The following ERBB4 variants were observed in gnomAD, a reference collection of about 807,000 sequenced individuals.
The protein encoded by ERBB4 is receptor tyrosine-protein kinase erbB-4.
ERBB4 carries 42 observed loss-of-function variants against 158.0 expected under a neutral mutation model. The observed-to-expected ratio is 0.27, with a 90% CI of 0.21 to 0.34. The LOEUF (loss-of-function observed/expected upper bound fraction) is 0.34, where lower values mean the gene tolerates loss of function less well. Among genes scored for constraint, ERBB4 ranks in the 10% least tolerant of loss-of-function variants. The probability of loss-of-function intolerance (pLI) is 1.00; values close to 1 mark genes in which losing one functional copy is unlikely to be tolerated. For missense variants in ERBB4, 1,333 were observed against 1,624.1 expected, an observed-to-expected ratio of 0.82 and a Z score of 3.08; for synonymous variants, 583 against 558.7, an observed-to-expected ratio of 1.04 and a Z score of -0.61.
chr2:211,830,927 C>A (rs973683227), intron 3 of ERBB4, among the ~76,000 whole-genome samples: 1 of 151,700 alleles, frequency 6.6e-6, no homozygotes, highest in Non-Finnish European at 1.5e-5. Context: ...GAATCTAATA[C>A]TGATGGTCAT....
At position 211,376,808 on chromosome 2, in the gene ERBB4, G is replaced by C. The variant is rs766825972; in HGVS notation, c.*6807C>G. On this transcript the variant is annotated 3_prime_UTR_variant, in exon 28 of 28. Coordinates refer to ENST00000342788, the MANE Select transcript of ERBB4 (RefSeq NM_005235.3). ...TTGTAATGGTGCTCAAGAAAGAGAT[G>C]AACTAGTCATACACCATGGGAAAAT... The C allele has an allele frequency of 1.3e-5, 3 of 232,900 alleles. No homozygotes were observed. Among genetic ancestry groups the C allele is most frequent in the African/African-American group, 2.2e-5 (1 of 45,262 alleles). 14.4% of individuals were successfully genotyped at this position (232,900 alleles called of 1,614,324 possible). A position where few individuals can be genotyped will look rare whatever the true frequency, so the allele number is the denominator to read the frequency against.
chr2:212,197,455 T>A (rs1283862659), intron 1 of ERBB4, among the ~76,000 whole-genome samples: 7 of 152,202 alleles, frequency 4.6e-5, no homozygotes, highest in African/African-American at 1.7e-4. Flanking sequence ...CACACACTTA[T>A]GCAAAAGGTA....
intron 19 of ERBB4, among the ~76,000 whole-genome samples, chr2:211,580,787 G>GATATATATAT (rs58919262): frequency 3.1e-4 from 21 of 67,714 alleles, no homozygotes; most frequent in African/African-American, 1.1e-3. Flanking sequence ...AAGAAATTGT[G>GATATATATAT]ATATATATAT....
At chr2:212,310,960 A>G (rs1369772522) in intron 1 of ERBB4, among the ~76,000 whole-genome samples, 3 of 150,788 alleles carry the variant, frequency 2.0e-5, no homozygotes, top group Non-Finnish European at 1.5e-5. Context: ...GTAATCCTTT[A>G]AATCTGGCAT....
intron 2 of ERBB4, among the ~76,000 whole-genome samples, chr2:212,010,354 G>A (rs923583472): frequency 2.0e-5 from 3 of 152,080 alleles, no homozygotes; most frequent in Admixed American, 2.0e-4. Context: ...AGGAAAACAA[G>A]AGTATTGTAA....
At chr2:212,355,729 AT>A (rs1438357590) in intron 1 of ERBB4, among the ~76,000 whole-genome samples, 1 of 151,948 alleles carries the variant, frequency 6.6e-6, no homozygotes, top group African/African-American at 2.4e-5. Context: ...TAAAGGGTAT[AT>A]GTTATATTAA....
intron 1 of ERBB4, among the ~76,000 whole-genome samples, chr2:212,509,027 C>G (rs955747188): frequency 1.3e-5 from 2 of 152,030 alleles, no homozygotes; most frequent in Non-Finnish European, 2.9e-5. Flanking sequence ...TCTTCTTACA[C>G]CTTTCCGTAC....
At chr2:212,453,532 C>T (rs1688114798) in intron 1 of ERBB4, among the ~76,000 whole-genome samples, 1 of 152,116 alleles carries the variant, frequency 6.6e-6, no homozygotes, top group South Asian at 2.1e-4. Flanking sequence ...AAATATATTG[C>T]ATTGATATCT....
intron 5 of ERBB4, among the ~76,000 whole-genome samples, chr2:211,740,497 G>T (rs2074751101): frequency 6.6e-6 from 1 of 151,738 alleles, no homozygotes; most frequent in Non-Finnish European, 1.5e-5. Flanking sequence ...CAAAAACGTG[G>T]CTTGGCACAA....
At position 211,663,617 on chromosome 2, in the gene ERBB4, T is replaced by C. The variant is rs531087996; in HGVS notation, c.1871+1706A>G. On this transcript the variant is annotated intron_variant, in intron 15 of 27. Transcript: ENST00000342788. ...GTTTATTATTATTATATAATAATGA[T>C]TTAAAAGGGCAGAGAGGAAGACACA... is the stretch of plus-strand genomic sequence containing the variant. 1.2e-4 allele frequency among the ~76,000 whole-genome samples: 19 copies of C among 152,212 alleles called. No homozygotes were observed. In the East Asian group the frequency reaches 3.7e-3, roughly 29 times the overall value.
chr2:211,829,030 G>C (rs1466595146), intron 3 of ERBB4, among the ~76,000 whole-genome samples: 1 of 152,002 alleles, frequency 6.6e-6, no homozygotes, highest in Non-Finnish European at 1.5e-5. Flanking sequence ...TTAATCTTTG[G>C]TTCATGAAGC....
intron 19 of ERBB4, among the ~76,000 whole-genome samples, chr2:211,586,160 A>C (rs555454749): frequency 3.0e-4 from 45 of 152,306 alleles, no homozygotes; most frequent in African/African-American, 9.6e-4. Context: ...TAAGAAAAAG[A>C]AGCCAAACAA....
rs558907237 is a variant in ERBB4 at position 211,593,095 on chromosome 2, G to T, written c.2301+26082C>A. 4.7e-4 allele frequency among the ~76,000 whole-genome samples: 72 copies of T among 151,928 alleles called. 1 individual carries two copies. The highest frequency in any genetic ancestry group is 8.7e-4 in the Non-Finnish European group (59 of 67,982). ...TCGTAGTGAGAAGAATGTGTCTTTGGGTTTAGCATGGATGGCAGCTGGCAA... is the reference window on the plus strand; with the variant it reads ...TCGTAGTGAGAAGAATGTGTCTTTGTGTTTAGCATGGATGGCAGCTGGCAA... On this transcript the variant is annotated intron_variant, in intron 19 of 27. Transcript: ENST00000342788.
At chr2:211,554,246 T>A (rs1197998027) in intron 20 of ERBB4, among the ~76,000 whole-genome samples, 1 of 152,196 alleles carries the variant, frequency 6.6e-6, no homozygotes, top group Non-Finnish European at 1.5e-5. Context: ...CATTTCAATA[T>A]ATTTGTGTGT....
chr2:211,715,620 T>C (rs1181064954), intron 7 of ERBB4, among the ~76,000 whole-genome samples: 1 of 152,138 alleles, frequency 6.6e-6, no homozygotes, highest in East Asian at 1.9e-4. Flanking sequence ...CCTCTTGGTG[T>C]TGTCGTTGCA....
intron 5 of ERBB4, among the ~76,000 whole-genome samples, chr2:211,738,781 G>A (rs1467971136): frequency 2.0e-5 from 3 of 151,154 alleles, no homozygotes; most frequent in African/African-American, 4.9e-5. Flanking sequence ...ATTCTCATGC[G>A]TCAGCCTCCC....
chr2:211,763,425 T>C (rs1430348537), intron 4 of ERBB4, among the ~76,000 whole-genome samples: 1 of 152,162 alleles, frequency 6.6e-6, no homozygotes, highest in African/African-American at 2.4e-5. Flanking sequence ...GAAGGAACCA[T>C]TTCTTTTCCA....
At chr2:211,976,668 A>T (rs1016148682) in intron 2 of ERBB4, among the ~76,000 whole-genome samples, 3 of 152,008 alleles carry the variant, frequency 2.0e-5, no homozygotes, top group East Asian at 1.9e-4. Flanking sequence ...AAATATATAT[A>T]TTTATTTTTC....
intron 1 of ERBB4, among the ~76,000 whole-genome samples, chr2:212,267,208 A>G (rs1004884407): frequency 6.6e-6 from 1 of 152,054 alleles, no homozygotes; most frequent in African/African-American, 2.4e-5. Flanking sequence ...GTGAACATGC[A>G]TTTCAATAAA....
Sources: allele counts gnomAD v4.1 joint callset (sites outside exome capture counted in the v4.1 genomes callset), GRCh38; gene constraint gnomAD v4.1.1; transcripts MANE v1.5; gene names NCBI Gene and HGNC (gene_info 2026-07-23, HGNC 2026-07-21).